The following C12orf75 variants were observed in gnomAD, a reference collection of about 807,000 sequenced individuals.
The protein encoded by C12orf75 is chromosome 12 open reading frame 75, also known as overexpressed in colon carcinoma 1 protein.
C12orf75 carries 4 observed loss-of-function variants against 11.4 expected under a neutral mutation model. That is an observed-to-expected ratio of 0.35 (90% CI 0.17 to 0.80). The LOEUF is 0.80. Among genes scored for constraint, C12orf75 ranks in the 30% least tolerant of loss-of-function variants. The probability of loss-of-function intolerance (pLI) is 0.52; values close to 1 mark genes in which losing one functional copy is unlikely to be tolerated. For missense variants in C12orf75, 89 were observed against 80.4 expected, an observed-to-expected ratio of 1.11 and a Z score of -0.41; for synonymous variants, 30 against 30.0, an observed-to-expected ratio of 1.00 and a Z score of 0.00.
intron 1 of C12orf75, among the ~76,000 whole-genome samples, chr12:105,339,394 T>C (rs113042693): frequency 6.8e-6 from 1 of 147,978 alleles, no homozygotes; most frequent in African/African-American, 2.5e-5. Flanking sequence ...TCTTCAGTAT[T>C]TTTTTTTTTT....
At chr12:105,361,554 T>G (rs921664257) in intron 2 of C12orf75, among the ~76,000 whole-genome samples, 3 of 152,224 alleles carry the variant, frequency 2.0e-5, no homozygotes, top group African/African-American at 7.2e-5. Context: ...CTTTTTAGAC[T>G]TTTTAGACTA....
At chr12:105,354,633 A>C (rs1259167139) in intron 2 of C12orf75, among the ~76,000 whole-genome samples, 2 of 152,340 alleles carry the variant, frequency 1.3e-5, no homozygotes, top group South Asian at 4.1e-4. Flanking sequence ...GGCCTCTGAC[A>C]TGAATACTTG....
At chr12:105,362,132 ATCCCAGCACTT>A (rs1389339787) in intron 2 of C12orf75, among the ~76,000 whole-genome samples, 1 of 152,072 alleles carries the variant, frequency 6.6e-6, no homozygotes, top group Non-Finnish European at 1.5e-5. Flanking sequence ...CACGCCTGTA[ATCCCAGCACTT>A]TGGGAGGCCG....
chr12:105,355,969 A>G (rs1376825077), intron 2 of C12orf75, among the ~76,000 whole-genome samples: 7 of 152,322 alleles, frequency 4.6e-5, no homozygotes, highest in African/African-American at 1.7e-4. Flanking sequence ...AATGTTACTC[A>G]TGTTCTCCAG....
chr12:105,358,314 G>C (rs1892813458), intron 2 of C12orf75, among the ~76,000 whole-genome samples: 1 of 152,118 alleles, frequency 6.6e-6, no homozygotes, highest in Admixed American at 6.5e-5. Flanking sequence ...TGAGGAGTTC[G>C]AGACCAGTCT....
At chr12:105,346,024 T>C (rs1892635683) in intron 1 of C12orf75, among the ~76,000 whole-genome samples, 1 of 152,118 alleles carries the variant, frequency 6.6e-6, no homozygotes, top group African/African-American at 2.4e-5. Flanking sequence ...AAATAAAACC[T>C]TGGGTCTCCA....
intron 2 of C12orf75, among the ~76,000 whole-genome samples, chr12:105,359,245 G>T (rs576896597): frequency 6.6e-6 from 1 of 152,116 alleles, no homozygotes; most frequent in Non-Finnish European, 1.5e-5. Flanking sequence ...ATTTTTAGGT[G>T]ATTTGGTTTA....
rs1871617747 is a variant in C12orf75 at position 105,371,219 on chromosome 12, G to A, written c.*619G>A. On this transcript the variant is annotated 3_prime_UTR_variant, in exon 6 of 6. Coordinates refer to ENST00000443585, the MANE Select transcript of C12orf75 (RefSeq NM_001145199.2). ...TTTTAGGAACAATGTGTATTTCATT[G>A]CACTATTTAAAAATAAACTCAAATT... 6.5e-6 allele frequency: 1 copy of A among 152,780 alleles called. No homozygotes were observed. Among genetic ancestry groups the A allele is most frequent in the South Asian group, 2.0e-4 (1 of 4,880 alleles). 9.5% of individuals were successfully genotyped at this position (152,780 alleles called of 1,614,324 possible).
intron 2 of C12orf75, chr12:105,353,587 G>GT (rs1286846121): frequency 6.6e-6 from 1 of 152,122 alleles, no homozygotes; most frequent in African/African-American, 2.4e-5. Flanking sequence ...GGGAGAAATT[G>GT]TAAGTGGGCA....
At chr12:105,366,831 C>T (rs926395993) in intron 4 of C12orf75, 135 bp downstream of exon 4, 2 of 534,666 alleles carry the variant, frequency 3.7e-6, no homozygotes, top group Admixed American at 3.2e-5. Context: ...TAAGTACTGT[C>T]TGTTCATTGC....
At chr12:105,361,459 A>C (rs1034325911) in intron 2 of C12orf75, among the ~76,000 whole-genome samples, 5 of 152,148 alleles carry the variant, frequency 3.3e-5, no homozygotes, top group Non-Finnish European at 5.9e-5. Context: ...TGATAAAATA[A>C]ATTTAACATC....
chr12:105,348,497 C>T, intron 1 of C12orf75, 105 bp from the exon 2 acceptor site: 2 of 652,296 alleles, frequency 3.1e-6, no homozygotes, highest in Non-Finnish European at 2.3e-6. Context: ...TTTTTTAAAC[C>T]CATTTTCTCT....
intron 5 of C12orf75, among the ~76,000 whole-genome samples, chr12:105,370,105 C>G (rs1251556857): frequency 6.6e-6 from 1 of 152,164 alleles, no homozygotes; most frequent in East Asian, 1.9e-4. Flanking sequence ...TGTCAGGATG[C>G]AGATGTGTAG....
intron 1 of C12orf75, among the ~76,000 whole-genome samples, chr12:105,337,144 C>A (rs182445734): frequency 6.6e-6 from 1 of 151,944 alleles, no homozygotes; most frequent in African/African-American, 2.4e-5. Flanking sequence ...GCTGACATGG[C>A]GAAACCCCAT....
At chr12:105,357,547 C>T (rs1892798675) in intron 2 of C12orf75, among the ~76,000 whole-genome samples, 2 of 152,050 alleles carry the variant, frequency 1.3e-5, no homozygotes, top group African/African-American at 4.8e-5. Context: ...ACGGGGGTCA[C>T]CTTGAATAAC....
At chr12:105,346,773 C>T (rs558266631) in intron 1 of C12orf75, among the ~76,000 whole-genome samples, 1 of 152,156 alleles carries the variant, frequency 6.6e-6, no homozygotes, top group Non-Finnish European at 1.5e-5. Flanking sequence ...TTTGATTGTT[C>T]TTGCAATTTG....
chr12:105,365,658 A>C, intron 2 of C12orf75, 149 bp from the exon 3 acceptor site: 2 of 637,996 alleles, frequency 3.1e-6, no homozygotes, highest in Non-Finnish European at 5.8e-6. Context: ...GAAACACTTG[A>C]TGGATAGTTT....
At chr12:105,341,604 G>A (rs973194378) in intron 1 of C12orf75, among the ~76,000 whole-genome samples, 1 of 152,238 alleles carries the variant, frequency 6.6e-6, no homozygotes, top group Non-Finnish European at 1.5e-5. Context: ...TAAAGGGTCT[G>A]AATGAACAGC....
At chr12:105,355,564 G>T (rs1294847225) in intron 2 of C12orf75, among the ~76,000 whole-genome samples, 4 of 152,182 alleles carry the variant, frequency 2.6e-5, no homozygotes, top group East Asian at 1.9e-4. Context: ...GACAGTTATG[G>T]CAGGGTTTAG....
Sources: allele counts gnomAD v4.1 joint callset (sites outside exome capture counted in the v4.1 genomes callset), GRCh38; gene constraint gnomAD v4.1.1; transcripts MANE v1.5; gene names NCBI Gene and HGNC (gene_info 2026-07-23, HGNC 2026-07-21).